Variants in MYO3A observed in about 807,000 individuals in gnomAD.
MYO3A encodes the protein myosin-IIIa.
MYO3A carries 180 observed loss-of-function variants against 192.7 expected under a neutral mutation model. The ratio of observed to expected loss-of-function variants is 0.93; its 90% CI spans 0.83 to 1.06. MYO3A has a LOEUF of 1.06. Ranked by LOEUF, MYO3A falls within the 50% of genes least tolerant of loss-of-function variation. MYO3A has a pLI of 0.00. For missense variants in MYO3A, 1,896 were observed against 1,905.0 expected (o/e 1.00, Z 0.09); for synonymous variants, 628 against 645.3 (o/e 0.97, Z 0.41).
rs189762821 is a variant in MYO3A at position 26,003,779 on chromosome 10, A to G, written c.508+6521A>G. On this transcript the variant is annotated intron_variant, in intron 6 of 34. Transcript: ENST00000642920. ...TTCTCTCTGGGGAACTTCATTTCTA[A>G]TAGGATACTTAACATTTCAATACAA... is the stretch of plus-strand genomic sequence containing the variant. 2.4e-3 allele frequency among the ~76,000 whole-genome samples: 365 copies of G among 152,316 alleles called. 5 individuals are homozygous for G. The highest frequency in any genetic ancestry group is 0.017 in the Middle Eastern group (5 of 294).
chr10:26,092,029 C>T lies in MYO3A; in HGVS notation c.1562+3624C>T, dbSNP rs543190028. 7.2e-5 allele frequency among the ~76,000 whole-genome samples: 11 copies of T among 152,318 alleles called. No individual in the cohort carries two copies. The East Asian group carries it at 2.1e-3, about 29-fold the overall frequency. On this transcript the variant is annotated intron_variant, in intron 15 of 34. Coordinates refer to ENST00000642920, the MANE Select transcript of MYO3A (RefSeq NM_017433.5). ...TCATGAAAGTAGGAAATGAGTTCAT[C>T]TGCTAAGATTGAGCAGGTAGGTGGC...
intron 14 of MYO3A, among the ~76,000 whole-genome samples, chr10:26,087,977 AATAGAAAAGT>A (rs1400943684): frequency 2.6e-5 from 4 of 152,218 alleles, no homozygotes; most frequent in African/African-American, 9.7e-5. Context: ...ACTGCGCTTG[AATAGAAAAGT>A]ATAGAATATC....
chr10:25,943,767 T>TG (rs1191601389), intron 2 of MYO3A, among the ~76,000 whole-genome samples: 10 of 138,506 alleles, frequency 7.2e-5, no homozygotes, highest in South Asian at 2.3e-4. Flanking sequence ...AGTTCTAACA[T>TG]TTGTGTGTGT....
intron 30 of MYO3A, 92 bp from the exon 31 acceptor site, chr10:26,176,609 A>G: frequency 2.6e-6 from 3 of 1,162,518 alleles, no homozygotes; most frequent in Non-Finnish European, 3.8e-6. Flanking sequence ...AGTCCCCAAG[A>G]GTGCTGGTAA....
chr10:26,019,430 T>G (rs1051461231), intron 7 of MYO3A, among the ~76,000 whole-genome samples: 1 of 151,906 alleles, frequency 6.6e-6, no homozygotes, highest in Non-Finnish European at 1.5e-5. Flanking sequence ...GGCTAATTTT[T>G]TATATTTTTA....
rs558947120 is a variant in MYO3A, at chr10:26,119,972, A to G, written c.1777-704A>G. On this transcript the variant is annotated intron_variant, in intron 17 of 34. Coordinates refer to ENST00000642920, the MANE Select transcript of MYO3A (RefSeq NM_017433.5). ...GGAGTTCGAGACCAGCCTGGGCAAC[A>G]TGGCGAGATCCTGTCTCTATAAAAT... Among the ~76,000 whole-genome samples, 89 of 150,192 alleles carry G rather than the reference A, an allele frequency of 5.9e-4. 1 individual carries two copies. The highest frequency in any genetic ancestry group is 1.9e-3 in the African/African-American group (79 of 40,814).
intron 4 of MYO3A, among the ~76,000 whole-genome samples, chr10:25,968,268 A>G (rs12777444): frequency 0.44 from 66,336 of 152,094 alleles, 15,556 homozygotes; most frequent in East Asian, 0.62. Flanking sequence ...GGACTGAAAG[A>G]AAAGTCCCTT....
At chr10:25,966,336 T>G (rs1336341019) in intron 4 of MYO3A, among the ~76,000 whole-genome samples, 2 of 152,198 alleles carry the variant, frequency 1.3e-5, no homozygotes, top group Admixed American at 6.5e-5. Context: ...CCAGCCATTT[T>G]GGTAGGTTCT....
intron 4 of MYO3A, among the ~76,000 whole-genome samples, chr10:25,986,039 G>A (rs1158007934): frequency 6.6e-6 from 1 of 152,134 alleles, no homozygotes; most frequent in African/African-American, 2.4e-5. Flanking sequence ...CAGGGATCCA[G>A]GGATAGATTA....
chr10:26,179,162 G>A lies in MYO3A; in HGVS notation c.4438+2317G>A, dbSNP rs190583340. Among the ~76,000 whole-genome samples the A allele has an allele frequency of 4.1e-3, 568 of 137,362 alleles. 5 individuals carry two copies. Among genetic ancestry groups the A allele is most frequent in the Admixed American group, 8.0e-3 (100 of 12,558 alleles). 90.1% of individuals were successfully genotyped at this position (137,362 alleles called of 152,430 possible). On this transcript the variant is annotated intron_variant, in intron 31 of 34. Transcript: ENST00000642920. ...TGTCCAGGCTGGAGTGCAATGGCGC[G>A]ATCTCAGCTTGCTGGAACCTCTGCC...
chr10:25,967,097 C>T (rs143170569), intron 4 of MYO3A, among the ~76,000 whole-genome samples: 34 of 152,188 alleles, frequency 2.2e-4, no homozygotes, highest in African/African-American at 8.0e-4. Context: ...CTGGACTGTG[C>T]AGAGAAGAGG....
intron 14 of MYO3A, among the ~76,000 whole-genome samples, chr10:26,072,155 G>A (rs1294677430): frequency 2.0e-5 from 3 of 152,218 alleles, no homozygotes; most frequent in South Asian, 2.1e-4. Context: ...AACAGCATGG[G>A]GGAAACTGCC....
chr10:26,116,513 T>C (rs1838515274), intron 17 of MYO3A, among the ~76,000 whole-genome samples: 1 of 152,188 alleles, frequency 6.6e-6, no homozygotes. Context: ...TTCTGAGTAC[T>C]GGGACTTAGG....
chr10:25,971,110 T>A (rs1273853501), intron 4 of MYO3A, among the ~76,000 whole-genome samples: 1 of 151,994 alleles, frequency 6.6e-6, no homozygotes, highest in Non-Finnish European at 1.5e-5. Context: ...GCATTTTTTT[T>A]ATATTTTAAA....
intron 10 of MYO3A, among the ~76,000 whole-genome samples, chr10:26,031,898 T>G (rs545272031): frequency 1.2e-4 from 19 of 152,318 alleles, no homozygotes; most frequent in Admixed American, 4.6e-4. Context: ...TCCTCATAAA[T>G]AAAGAAAATA....
chr10:26,099,017 C>G (rs1053704461), intron 17 of MYO3A, among the ~76,000 whole-genome samples: 1 of 152,166 alleles, frequency 6.6e-6, no homozygotes, highest in Admixed American at 6.5e-5. Context: ...TGGCCATTTT[C>G]ATGATATTGA....
chr10:26,105,982 CT>C (rs942436167), intron 17 of MYO3A, among the ~76,000 whole-genome samples: 2 of 152,122 alleles, frequency 1.3e-5, no homozygotes, highest in East Asian at 1.9e-4. Flanking sequence ...AGCCATCAAT[CT>C]ATGTTTTCTA....
chr10:26,051,046 A>G (rs756817160), intron 10 of MYO3A, among the ~76,000 whole-genome samples: 1 of 152,214 alleles, frequency 6.6e-6, no homozygotes, highest in Non-Finnish European at 1.5e-5. Context: ...GCATATTAAA[A>G]TAGTGCACAG....
intron 4 of MYO3A, among the ~76,000 whole-genome samples, chr10:25,972,765 C>T (rs1588683466): frequency 6.6e-6 from 1 of 152,234 alleles, no homozygotes; most frequent in Middle Eastern, 3.4e-3. Context: ...CTGTTTCATT[C>T]CCTGGTCTTT....
Sources: gnomAD v4.1 joint callset for allele counts (sites outside exome capture counted in the v4.1 genomes callset) on GRCh38, gnomAD v4.1.1 for gene constraint, MANE v1.5 for transcripts, NCBI Gene and HGNC (gene_info 2026-07-23, HGNC 2026-07-21) for gene names.